Variants in MCPH1 observed in about 807,000 individuals in gnomAD.
MCPH1 encodes microcephalin.
In MCPH1, 104 loss-of-function variants were observed where a neutral mutation model predicts 84.5. That is an observed-to-expected ratio of 1.23 (90% CI 1.05 to 1.45). MCPH1 has a LOEUF of 1.45. Ranked by LOEUF, MCPH1 falls within the 40% of genes most tolerant of loss-of-function variation. The pLI, the probability that MCPH1 is intolerant of heterozygous loss-of-function variation, is 0.00. For synonymous variants in MCPH1, 514 were observed against 366.8 expected, an observed-to-expected ratio of 1.40 and a Z score of -4.58; for missense variants, 1,498 against 1,005.7, an observed-to-expected ratio of 1.49 and a Z score of -6.62.
In MCPH1 at chr8:6,474,383, A is replaced by G. The variant is rs1386257721; in HGVS notation, c.1936-3211A>G. On this transcript the variant is annotated intron_variant, in intron 9 of 13. Coordinates refer to ENST00000344683, the MANE Select transcript of MCPH1 (RefSeq NM_024596.5). The stretch of plus-strand genomic sequence containing the variant: ...GAACAAAGTGACACTTTAGGACTGA[A>G]CTCAGGGAGTCTGTGGGGTCAAAAC... The G allele has an allele frequency of 9.1e-6, 3 of 328,730 alleles. No individual in the cohort carries two copies. In the East Asian group the frequency reaches 2.0e-4, roughly 21 times the overall value. The allele number at this position is 328,730 out of a possible 1,614,324, so 20.4% of individuals were successfully genotyped here.
intron 12 of MCPH1, among the ~76,000 whole-genome samples, chr8:6,587,005 C>G (rs1214502807): frequency 6.6e-6 from 1 of 151,964 alleles, no homozygotes; most frequent in African/African-American, 2.4e-5. Flanking sequence ...GTTTCCTCGG[C>G]TTACCACCCA....
intron 9 of MCPH1, among the ~76,000 whole-genome samples, chr8:6,463,641 G>A (rs1806524349): frequency 6.6e-6 from 1 of 152,150 alleles, no homozygotes; most frequent in Admixed American, 6.5e-5. Flanking sequence ...ATGCAGTGTG[G>A]CCAGGCCAGC....
chr8:6,514,284 G>C (rs1192531641), intron 12 of MCPH1, among the ~76,000 whole-genome samples: 2 of 152,186 alleles, frequency 1.3e-5, no homozygotes, highest in African/African-American at 4.8e-5. Flanking sequence ...CTGCCTCCCA[G>C]GTTCAAGCGA....
chr8:6,531,273 G>GTTTCTTTC (rs558112004), intron 12 of MCPH1, among the ~76,000 whole-genome samples: 7 of 150,118 alleles, frequency 4.7e-5, no homozygotes, highest in African/African-American at 1.7e-4. Context: ...TATTTTACTA[G>GTTTCTTTC]TTTCTTTCTT....
chr8:6,545,913 A>C (rs1822501303), intron 12 of MCPH1, among the ~76,000 whole-genome samples: 1 of 152,370 alleles, frequency 6.6e-6, no homozygotes, highest in East Asian at 1.9e-4. Context: ...GAGACATAGT[A>C]TAAAAAACTG....
rs190979280 is a variant in MCPH1 at position 6,429,423 on chromosome 8, T to G, written c.234-2076T>G. On this transcript the variant is annotated intron_variant, in intron 3 of 13. Transcript: ENST00000344683. ...CTTTGCCCCCTGCCCCACCCCAGACTGCTGTGGCTTCACCTGCGCCTCCTG... is the reference window on the plus strand; with the variant it reads ...CTTTGCCCCCTGCCCCACCCCAGACGGCTGTGGCTTCACCTGCGCCTCCTG... 3.3e-3 allele frequency among the ~76,000 whole-genome samples: 495 copies of G among 152,162 alleles called. 6 individuals are homozygous for G. Among genetic ancestry groups the G allele is most frequent in the African/African-American group, 0.012 (483 of 41,534 alleles).
intron 13 of MCPH1, chr8:6,627,206 C>T (rs1263733425): frequency 1.0e-6 from 1 of 985,394 alleles, no homozygotes; most frequent in Non-Finnish European, 1.2e-6. Context: ...GGCCTTCGGG[C>T]TTCCTGATTC....
At chr8:6,505,286 GTTA>G (rs1487887550) in intron 12 of MCPH1, among the ~76,000 whole-genome samples, 1 of 30,172 alleles carries the variant, frequency 3.3e-5, no homozygotes, top group African/African-American at 1.1e-4. Flanking sequence ...ACATATATAT[GTTA>G]TATACATATA....
intron 12 of MCPH1, among the ~76,000 whole-genome samples, chr8:6,530,414 C>G (rs1038917193): frequency 8.6e-5 from 13 of 150,418 alleles, no homozygotes; most frequent in Admixed American, 1.3e-4. Context: ...GAGGCTAAGG[C>G]ACGAGAATCG....
In MCPH1 at chr8:6,621,694, A is replaced by G. The variant is rs1180103278; in HGVS notation, c.2452+3A>G. The G allele has an allele frequency of 1.2e-5, 19 of 1,614,052 alleles. No individual in the cohort carries two copies. Among genetic ancestry groups the G allele is most frequent in the Non-Finnish European group, 1.6e-5 (19 of 1,180,050 alleles). On this transcript the variant is annotated splice_donor_region_variant and intron_variant, in intron 13 of 13. Transcript: ENST00000344683. ...TCTGTCTGAGAAATGGGTCTTAGGT[A>G]AGAATCCAGGCACACAGACGCTGTG...
chr8:6,491,146 T>C (rs1418837950), intron 11 of MCPH1, among the ~76,000 whole-genome samples: 2 of 151,504 alleles, frequency 1.3e-5, no homozygotes, highest in Non-Finnish European at 2.9e-5. Context: ...TACCAAATAG[T>C]GTCATACATT....
chr8:6,591,761 A>G (rs1828473763), intron 12 of MCPH1, among the ~76,000 whole-genome samples: 1 of 152,202 alleles, frequency 6.6e-6, no homozygotes, highest in South Asian at 2.1e-4. Flanking sequence ...AGGGCGTTCA[A>G]ATTCCACCAG....
intron 12 of MCPH1, among the ~76,000 whole-genome samples, chr8:6,505,325 AT>A (rs540134558): frequency 7.1e-5 from 4 of 55,992 alleles, no homozygotes; most frequent in Admixed American, 5.1e-4. Context: ...TATATGTTAT[AT>A]ACATATAGAA....
intron 12 of MCPH1, among the ~76,000 whole-genome samples, chr8:6,589,531 G>C (rs1482532600): frequency 6.6e-6 from 1 of 152,186 alleles, no homozygotes; most frequent in Non-Finnish European, 1.5e-5. Flanking sequence ...ATGAAATCCT[G>C]AACAACAAAG....
At chr8:6,584,841 G>A (rs1388494893) in intron 12 of MCPH1, among the ~76,000 whole-genome samples, 1 of 152,286 alleles carries the variant, frequency 6.6e-6, no homozygotes, top group Non-Finnish European at 1.5e-5. Context: ...TGGTCAAACT[G>A]TGTCCCCTAG....
chr8:6,604,474 G>T (rs1829600385), intron 12 of MCPH1, among the ~76,000 whole-genome samples: 1 of 152,196 alleles, frequency 6.6e-6, no homozygotes, highest in African/African-American at 2.4e-5. Context: ...TGGAATGTGA[G>T]AGCACATGTC....
intron 12 of MCPH1, among the ~76,000 whole-genome samples, chr8:6,573,750 C>T (rs1465624770): frequency 6.6e-6 from 1 of 152,154 alleles, no homozygotes; most frequent in Non-Finnish European, 1.5e-5. Flanking sequence ...GTAAACCTGC[C>T]CACCCCACTC....
intron 12 of MCPH1, among the ~76,000 whole-genome samples, chr8:6,527,120 C>G (rs1270065152): frequency 1.3e-5 from 2 of 152,144 alleles, no homozygotes; most frequent in Non-Finnish European, 2.9e-5. Flanking sequence ...AATAAAATGC[C>G]TGGGCCAGTG....
chr8:6,576,522 C>CCCCTTCCCCTTCCCCGT (rs1349653686), intron 12 of MCPH1, among the ~76,000 whole-genome samples: 1 of 149,958 alleles, frequency 6.7e-6, no homozygotes, highest in African/African-American at 2.4e-5. Flanking sequence ...CCTTCCCCGT[C>CCCCTTCCCCTTCCCCGT]CCTTTAGATG....
Sources: gnomAD v4.1 joint callset for allele counts (sites outside exome capture counted in the v4.1 genomes callset) on GRCh38, gnomAD v4.1.1 for gene constraint, MANE v1.5 for transcripts, NCBI Gene and HGNC (gene_info 2026-07-23, HGNC 2026-07-21) for gene names.